EPB41L3: variants seen among roughly 807,000 people sequenced by gnomAD.
The protein encoded by EPB41L3 is band 4.1-like protein 3.
EPB41L3 carries 57 observed loss-of-function variants against 127.1 expected under a neutral mutation model. The ratio of observed to expected loss-of-function variants is 0.45; its 90% CI spans 0.36 to 0.56. EPB41L3 has a LOEUF of 0.56. Ranked by LOEUF, EPB41L3 falls within the 20% of genes least tolerant of loss-of-function variation. EPB41L3 has a pLI of 0.00. For missense variants in EPB41L3, 1,273 were observed against 1,372.2 expected (o/e 0.93, Z 1.14); for synonymous variants, 572 against 549.5 (o/e 1.04, Z -0.57).
chr18:5,547,269 T>C (rs1181771722), upstream of EPB41L3, among the ~76,000 whole-genome samples: 1 of 152,218 alleles, frequency 6.6e-6, no homozygotes, highest in African/African-American at 2.4e-5. Context: ...GAATTCTTTA[T>C]TCTTGTCAAT....
At chr18:5,415,130 T>C (rs930609749) in intron 13 of EPB41L3, among the ~76,000 whole-genome samples, 38 of 152,238 alleles carry the variant, frequency 2.5e-4, no homozygotes, top group Non-Finnish European at 2.1e-4. Context: ...AATTTAGTCC[T>C]TTTCTGATTG....
rs377308152 is a variant in EPB41L3 at position 5,524,306 on chromosome 18, G to A, written c.-12+19607C>T. On this transcript the variant is annotated intron_variant, in intron 1 of 22. Coordinates refer to ENST00000341928, the MANE Select transcript of EPB41L3 (RefSeq NM_012307.5). The stretch of plus-strand genomic sequence containing the variant: ...CCTCCCGGGTTTAACCAAGTCTCCC[G>A]CCGCAGCCTCCCAAGTAGCTGGGAT... Among the ~76,000 whole-genome samples the A allele has an allele frequency of 1.7e-4, 26 of 152,050 alleles. No homozygotes were observed. In the East Asian group the frequency reaches 4.1e-3, roughly 24 times the overall value.
chr18:5,606,960 T>C (rs1340450423), intron 3 of EPB41L3, among the ~76,000 whole-genome samples: 1 of 150,238 alleles, frequency 6.7e-6, no homozygotes, highest in Non-Finnish European at 1.5e-5. Flanking sequence ...CTCAACCCCC[T>C]ACAAAGAAAT....
rs1241680830 is a variant in EPB41L3, at chr18:5,423,453, A to C, written c.1264T>G (p.Leu422Val). 6.2e-7 allele frequency: 1 copy of C among 1,614,044 alleles called. No homozygotes were observed. The highest frequency in any genetic ancestry group is 8.5e-7 in the Non-Finnish European group (1 of 1,179,932). Residue 422 changes from leucine (L) to valine (V), a missense_variant, in exon 11 of 23, where the codon TTG becomes GTG. This residue lies in a region of EPB41L3 where 326 missense variants were observed against 440.2 expected (regional missense o/e 0.74). Transcript: ENST00000341928. ...AAGTAAGGTGCTGGGCGATCTATCA[A>C]CGCACTGGCTCTTCTCGTTTGCGCT... ...TQAQTRRASA[L>V]IDRPAPYFER... is the part of the protein sequence containing the mutation.
At chr18:5,484,086 CAAAAAAAAAAAAAAAAAAAAAAAAAA>C (rs57231548) in intron 2 of EPB41L3, among the ~76,000 whole-genome samples, 4 of 18,264 alleles carry the variant, frequency 2.2e-4, no homozygotes, top group Non-Finnish European at 2.6e-4. Flanking sequence ...CAAACAAACT[CAAAAAAAAAAAAAAAAAAAAAAAAAA>C]AAAAAAAAAC....
chr18:5,409,085 C>A (rs1315771784), intron 14 of EPB41L3, among the ~76,000 whole-genome samples: 1 of 152,178 alleles, frequency 6.6e-6, no homozygotes, highest in Non-Finnish European at 1.5e-5. Context: ...CACTGTTGTG[C>A]TGGCCACCTA....
At chr18:5,402,403 T>C (rs2074651539) in intron 16 of EPB41L3, among the ~76,000 whole-genome samples, 1 of 152,048 alleles carries the variant, frequency 6.6e-6, no homozygotes, top group Admixed American at 6.6e-5. Context: ...TTATAATCAC[T>C]GAGCTAAATA....
At chr18:5,558,933 C>T (rs2094080529) in intron 3 of EPB41L3, among the ~76,000 whole-genome samples, 1 of 152,180 alleles carries the variant, frequency 6.6e-6, no homozygotes, top group South Asian at 2.1e-4. Context: ...TAGACTACAT[C>T]AAGTATGAGT....
At chr18:5,434,411 T>G (rs776237526) in intron 6 of EPB41L3, among the ~76,000 whole-genome samples, 1 of 152,236 alleles carries the variant, frequency 6.6e-6, no homozygotes, top group Non-Finnish European at 1.5e-5. Flanking sequence ...TAAAGACATA[T>G]TCTTCTAACA....
At chr18:5,429,230 A>G (rs2078646355) in intron 8 of EPB41L3, 1 of 151,696 alleles carries the variant, frequency 6.6e-6, no homozygotes, top group Non-Finnish European at 1.5e-5. Flanking sequence ...TTTTTTTTTT[A>G]AGAAACAAAC....
rs953930619 is a variant in EPB41L3 at position 5,484,420 on chromosome 18, G to A, written c.183+4581C>T. Among the ~76,000 whole-genome samples, 6 of 151,310 alleles carry A rather than the reference G, an allele frequency of 4.0e-5. No homozygotes were observed. In the East Asian group the frequency reaches 9.7e-4, roughly 24 times the overall value. On this transcript the variant is annotated intron_variant, in intron 2 of 22. Transcript: ENST00000341928. ...AAAGCCTTCAAATAAATAACTCAACGATGCACCTCAAGGGACTAGAAAAGC... is the reference window on the plus strand; with the variant it reads ...AAAGCCTTCAAATAAATAACTCAACAATGCACCTCAAGGGACTAGAAAAGC...
rs528830660 is a variant in EPB41L3, at chr18:5,523,677, TG to T, written c.-12+20235del. On this transcript the variant is annotated intron_variant, in intron 1 of 22. Coordinates refer to ENST00000341928, the MANE Select transcript of EPB41L3 (RefSeq NM_012307.5). ...GCACATACCTGTAATCCCAGCTACC[TG>T]GGAGGCTGAGGCAGGAGAATCACTT... Among the ~76,000 whole-genome samples, 4 of 152,080 alleles carry T rather than the reference TG, an allele frequency of 2.6e-5. No individual in the cohort carries two copies. The South Asian group carries it at 8.3e-4, about 32-fold the overall frequency.
intron 3 of EPB41L3, among the ~76,000 whole-genome samples, chr18:5,462,244 T>A (rs571407747): frequency 1.3e-5 from 2 of 152,318 alleles, no homozygotes; most frequent in South Asian, 4.1e-4. Flanking sequence ...TCGGTCCTCA[T>A]AAACATGTAA....
upstream of EPB41L3, among the ~76,000 whole-genome samples, chr18:5,545,672 A>G (rs1374058956): frequency 6.6e-6 from 1 of 152,218 alleles, no homozygotes; most frequent in Non-Finnish European, 1.5e-5. Flanking sequence ...ATGGGCAAAT[A>G]CCAGGTTGGT....
chr18:5,535,366 G>A (rs541699865), intron 1 of EPB41L3, among the ~76,000 whole-genome samples: 18 of 152,226 alleles, frequency 1.2e-4, no homozygotes, highest in African/African-American at 3.9e-4. Flanking sequence ...AGAATTCAGA[G>A]GAAAAGTTTT....
At chr18:5,584,071 G>A (rs191648754) in intron 3 of EPB41L3, among the ~76,000 whole-genome samples, 1 of 152,206 alleles carries the variant, frequency 6.6e-6, no homozygotes, top group African/African-American at 2.4e-5. Flanking sequence ...CAAAGTGCTA[G>A]GATTACAGGT....
chr18:5,409,639 A>C (rs1384537527), intron 14 of EPB41L3, among the ~76,000 whole-genome samples: 1 of 152,058 alleles, frequency 6.6e-6, no homozygotes, highest in African/African-American at 2.4e-5. Context: ...TAAGTGATAT[A>C]CAGATACCAC....
Position 5,543,989 on chromosome 18 carries a change from A to C in EPB41L3, c.-88T>G, listed in dbSNP as rs1490492980. On this transcript the variant is annotated 5_prime_UTR_variant, in exon 1 of 23. Transcript: ENST00000341928. This position sits in a 1 kb window ranked among gnomAD's most constrained non-coding sequence, Gnocchi z 5.2. Reference sequence around the variant, plus strand: ...GCGCGCGTCCTCGGCGGCGGTGCGCAGGAGACTCGGGCGTGGGGAGGAAGC... The same window carrying C: ...GCGCGCGTCCTCGGCGGCGGTGCGCCGGAGACTCGGGCGTGGGGAGGAAGC... The C allele has an allele frequency of 1.0e-6, 1 of 985,436 alleles. No homozygotes were observed. The highest frequency in any genetic ancestry group is 1.1e-4 in the East Asian group (1 of 8,782). 61.0% of individuals were successfully genotyped at this position (985,436 alleles called of 1,614,324 possible). A position where few individuals can be genotyped will look rare whatever the true frequency, so the allele number is the denominator to read the frequency against.
chr18:5,575,698 G>A (rs529748824), intron 3 of EPB41L3, among the ~76,000 whole-genome samples: 106 of 152,204 alleles, frequency 7.0e-4, no homozygotes, highest in Non-Finnish European at 1.1e-3. Context: ...GTAGCCAGGC[G>A]TGGTGGTGGG....
Sources: gnomAD v4.1 joint callset for allele counts (sites outside exome capture counted in the v4.1 genomes callset) on GRCh38, gnomAD v4.1.1 for gene constraint, gnomAD v4.1.1 regional missense constraint, Gnocchi (gnomAD v3.1) non-coding constraint, MANE v1.5 for transcripts, NCBI Gene and HGNC (gene_info 2026-07-23, HGNC 2026-07-21) for gene names.